The following UGT1A8 variants were observed in gnomAD, a reference collection of about 807,000 sequenced individuals.
UGT1A8 encodes UDP glucuronosyltransferase family 1 member A8, also known as UDP-glucuronosyltransferase 1A8.
In UGT1A8, 39 loss-of-function variants were observed where a neutral mutation model predicts 45.3. The ratio of observed to expected loss-of-function variants is 0.86; its 90% CI spans 0.67 to 1.12. The LOEUF is 1.12. Among genes scored for constraint, UGT1A8 ranks in the 50% most tolerant of loss-of-function variants. The pLI is 0.00. For missense variants in UGT1A8, 719 were observed against 664.9 expected, an observed-to-expected ratio of 1.08 and a Z score of -0.90; for synonymous variants, 275 against 249.2, an observed-to-expected ratio of 1.10 and a Z score of -0.97.
intron 1 of UGT1A8, among the ~76,000 whole-genome samples, chr2:233,723,516 C>CTT (rs1162916866): frequency 0.011 from 946 of 85,272 alleles, 28 homozygotes; most frequent in African/African-American, 0.04. Context: ...GGTCAACAAT[C>CTT]TTTTTTTTTT....
At chr2:233,629,498 A>G (rs781433127) in intron 1 of UGT1A8, among the ~76,000 whole-genome samples, 1 of 152,060 alleles carries the variant, frequency 6.6e-6, no homozygotes, top group Non-Finnish European at 1.5e-5. Context: ...TTTGTGTAGT[A>G]CCTATTTTAA....
chr2:233,747,456 A>G (rs1299694493), intron 1 of UGT1A8: 47 of 1,608,814 alleles, frequency 2.9e-5, no homozygotes, highest in Non-Finnish European at 3.7e-5. Context: ...AACCTATGCC[A>G]TTTCATGGAC....
chr2:233,645,199 T>G (rs1250620678), intron 1 of UGT1A8, among the ~76,000 whole-genome samples: 2 of 152,164 alleles, frequency 1.3e-5, no homozygotes, highest in Non-Finnish European at 2.9e-5. Context: ...CTTGAGAGAC[T>G]TATTCACTAT....
intron 1 of UGT1A8, among the ~76,000 whole-genome samples, chr2:233,731,783 C>T (rs553987259): frequency 3.5e-4 from 54 of 152,240 alleles, no homozygotes; most frequent in African/African-American, 1.2e-3. Context: ...CATTTATAAT[C>T]GTTTGGGTAT....
intron 1 of UGT1A8, chr2:233,693,668 T>C: frequency 6.2e-7 from 1 of 1,614,236 alleles, no homozygotes; most frequent in South Asian, 1.1e-5. Context: ...GCCCTATCTA[T>C]TTTATTGTCT....
At chr2:233,722,525 T>C (rs1187411582) in intron 1 of UGT1A8, among the ~76,000 whole-genome samples, 1 of 152,230 alleles carries the variant, frequency 6.6e-6, no homozygotes, top group Non-Finnish European at 1.5e-5. Flanking sequence ...TATTTTTGCC[T>C]TAATGATTTC....
At chr2:233,738,943 T>C (rs1690943388) in intron 1 of UGT1A8, 1 of 152,080 alleles carries the variant, frequency 6.6e-6, no homozygotes, top group African/African-American at 2.4e-5. Flanking sequence ...AAAAATGGTG[T>C]TTTAGGCTGG....
At chr2:233,618,933 A>G (rs2072950753) in intron 1 of UGT1A8, among the ~76,000 whole-genome samples, 1 of 152,080 alleles carries the variant, frequency 6.6e-6, no homozygotes, top group Non-Finnish European at 1.5e-5. Context: ...TAAAAAAAGT[A>G]TTTTAGGTGT....
rs1694565729 is a variant in UGT1A8, at chr2:233,750,814, C to T, written c.856-16220C>T. 2.0e-5 allele frequency: 3 copies of T among 151,858 alleles called. No individual in the cohort carries two copies. In the South Asian group the frequency reaches 6.2e-4, roughly 31 times the overall value. The allele number at this position is 151,858 out of a possible 1,614,324, so 9.4% of individuals were successfully genotyped here. A position where few individuals can be genotyped will look rare whatever the true frequency, so the allele number is the denominator to read the frequency against. On this transcript the variant is annotated intron_variant, in intron 1 of 4. Coordinates refer to ENST00000373450, the MANE Select transcript of UGT1A8 (RefSeq NM_019076.5). ...ATAAGAATTTAGGTTTGGGAACCTCCACATAAATTTGAGAGGATGTAAGGA... is the reference window on the plus strand; with the variant it reads ...ATAAGAATTTAGGTTTGGGAACCTCTACATAAATTTGAGAGGATGTAAGGA...
chr2:233,648,070 A>G (rs2073647073), intron 1 of UGT1A8: 1 of 1,548,434 alleles, frequency 6.5e-7, no homozygotes, highest in African/African-American at 1.4e-5. Flanking sequence ...GACTTCTTCA[A>G]CCTTATACAC....
chr2:233,681,993 C>G, intron 1 of UGT1A8: 1 of 1,614,172 alleles, frequency 6.2e-7, no homozygotes, highest in East Asian at 2.2e-5. Context: ...CTACTGCTGA[C>G]CTGTGGCTTT....
intron 1 of UGT1A8, among the ~76,000 whole-genome samples, chr2:233,642,767 G>C (rs7569014): frequency 6.6e-6 from 1 of 152,164 alleles, no homozygotes; most frequent in Non-Finnish European, 1.5e-5. Flanking sequence ...TTGCAGACTT[G>C]TAGATGTATT....
chr2:233,637,881 C>G (rs1206557944), intron 1 of UGT1A8, among the ~76,000 whole-genome samples: 2 of 152,058 alleles, frequency 1.3e-5, no homozygotes, highest in African/African-American at 2.4e-5. Flanking sequence ...CTTTATAGAG[C>G]AATACAGACA....
In UGT1A8 at chr2:233,672,606, C is replaced by A. The variant is rs1440159902; in HGVS notation, c.855+54044C>A. The A allele has an allele frequency of 6.2e-6, 10 of 1,613,626 alleles. No homozygotes were observed. On this transcript the variant is annotated intron_variant, in intron 1 of 4. Coordinates refer to ENST00000373450, the MANE Select transcript of UGT1A8 (RefSeq NM_019076.5). ...AACATTTATTATGCCACCGTTTTTT[C>A]AAAAATGCCCTAGAAATAGCCTCTG...
intron 1 of UGT1A8, among the ~76,000 whole-genome samples, chr2:233,619,254 A>C (rs909009836): frequency 2.6e-5 from 4 of 152,178 alleles, no homozygotes; most frequent in African/African-American, 9.6e-5. Context: ...TTTATACACC[A>C]ATACAGACAG....
At chr2:233,744,463 T>C (rs376604429) in intron 1 of UGT1A8, among the ~76,000 whole-genome samples, 1 of 151,892 alleles carries the variant, frequency 6.6e-6, no homozygotes, top group African/African-American at 2.4e-5. Flanking sequence ...TAAAACAGAA[T>C]TAAAAAGACA....
At chr2:233,731,424 A>G (rs1264349452) in intron 1 of UGT1A8, among the ~76,000 whole-genome samples, 1 of 151,642 alleles carries the variant, frequency 6.6e-6, no homozygotes, top group East Asian at 1.9e-4. Context: ...TCCTAATGCC[A>G]TCCCTCCCCC....
intron 1 of UGT1A8, chr2:233,708,796 T>G (rs1300291034): frequency 6.6e-6 from 1 of 151,050 alleles, no homozygotes; most frequent in African/African-American, 2.4e-5. Context: ...ATCACTTTAT[T>G]TGGGCAACTT....
chr2:233,660,535 C>T (rs1203457103), intron 1 of UGT1A8, among the ~76,000 whole-genome samples: 5 of 152,166 alleles, frequency 3.3e-5, no homozygotes, highest in Non-Finnish European at 7.4e-5. Flanking sequence ...TTCTGTTGTA[C>T]TGGCCTTCTT....
Sources: gnomAD v4.1 joint callset for allele counts (sites outside exome capture counted in the v4.1 genomes callset) on GRCh38, gnomAD v4.1.1 for gene constraint, MANE v1.5 for transcripts, NCBI Gene and HGNC (gene_info 2026-07-23, HGNC 2026-07-21) for gene names.